GADL1: variants seen among roughly 807,000 people sequenced by gnomAD.
GADL1 encodes the protein acidic amino acid decarboxylase GADL1.
A neutral mutation model predicts 69.5 loss-of-function variants in GADL1; 71 were observed. That is an observed-to-expected ratio of 1.02 (90% CI 0.84 to 1.25). The LOEUF (loss-of-function observed/expected upper bound fraction) is 1.25, where lower values mean the gene tolerates loss of function less well. Among genes scored for constraint, GADL1 ranks in the 50% most tolerant of loss-of-function variants. The pLI is 0.00. For missense variants in GADL1, 737 were observed against 631.8 expected (o/e 1.17, Z -1.79); for synonymous variants, 254 against 214.4 (o/e 1.18, Z -1.62).
chr3:30,832,339 TAA>T (rs72276746), intron 11 of GADL1, among the ~76,000 whole-genome samples: 9 of 139,320 alleles, frequency 6.5e-5, no homozygotes, highest in South Asian at 4.5e-4. Flanking sequence ...ATGAATTCTT[TAA>T]AAAAAAAAAA....
At chr3:30,761,761 C>T (rs946848725) in intron 14 of GADL1, among the ~76,000 whole-genome samples, 1 of 152,090 alleles carries the variant, frequency 6.6e-6, no homozygotes, top group African/African-American at 2.4e-5. Context: ...AAATCTGGAA[C>T]ACTTTTTCTA....
intron 14 of GADL1, among the ~76,000 whole-genome samples, chr3:30,748,951 A>T (rs1384204017): frequency 1.3e-5 from 2 of 152,162 alleles, no homozygotes; most frequent in Non-Finnish European, 2.9e-5. Flanking sequence ...CTGCCTCTAA[A>T]CTTCCCACAG....
chr3:30,862,354 G>T (rs1698332995), intron 1 of GADL1, among the ~76,000 whole-genome samples: 2 of 151,996 alleles, frequency 1.3e-5, no homozygotes, highest in Non-Finnish European at 2.9e-5. Context: ...ATTTTATCTA[G>T]AATTAACACC....
chr3:30,818,177 A>G (rs1341177842), intron 11 of GADL1, among the ~76,000 whole-genome samples: 1 of 152,152 alleles, frequency 6.6e-6, no homozygotes, highest in Non-Finnish European at 1.5e-5. Flanking sequence ...GAGGCTAAGA[A>G]GACTAGAAAT....
intron 2 of GADL1, 110 bp downstream of exon 2, chr3:30,861,483 T>C (rs1206988358): frequency 4.2e-6 from 3 of 719,940 alleles, no homozygotes; most frequent in Non-Finnish European, 6.9e-6. Context: ...GACAAAGGCA[T>C]AGAAGAAATA....
chr3:30,812,852 A>G (rs1697387622), intron 11 of GADL1, among the ~76,000 whole-genome samples: 1 of 152,052 alleles, frequency 6.6e-6, no homozygotes, highest in Non-Finnish European at 1.5e-5. Context: ...ACAATATGGT[A>G]GGATTGGGAG....
At chr3:30,776,923 T>TA (rs1696554291) in intron 14 of GADL1, among the ~76,000 whole-genome samples, 1 of 152,216 alleles carries the variant, frequency 6.6e-6, no homozygotes, top group Admixed American at 6.5e-5. Context: ...TCTGCTTCTT[T>TA]AAAATTGTCC....
At chr3:30,737,670 T>C (rs187104490) in intron 14 of GADL1, among the ~76,000 whole-genome samples, 13 of 152,290 alleles carry the variant, frequency 8.5e-5, no homozygotes, top group African/African-American at 2.6e-4. Context: ...CTATAGCCCA[T>C]GAAATCATGT....
intron 14 of GADL1, among the ~76,000 whole-genome samples, chr3:30,766,151 A>G (rs1013047962): frequency 6.6e-6 from 1 of 152,232 alleles, no homozygotes; most frequent in Non-Finnish European, 1.5e-5. Flanking sequence ...CAGAGGAAGA[A>G]ACAAGTATAT....
chr3:30,845,017 G>C (rs1267786535), intron 6 of GADL1, among the ~76,000 whole-genome samples: 1 of 152,182 alleles, frequency 6.6e-6, no homozygotes, highest in Non-Finnish European at 1.5e-5. Context: ...TCACAGGCTA[G>C]AGAGGAATCT....
At chr3:30,889,084 T>TATAAAA (rs1698748582) in intron 1 of GADL1, among the ~76,000 whole-genome samples, 3 of 32,916 alleles carry the variant, frequency 9.1e-5, no homozygotes, top group Non-Finnish European at 2.0e-4. Flanking sequence ...CGGTAATCTA[T>TATAAAA]AAAAAAAAAA....
intron 12 of GADL1, among the ~76,000 whole-genome samples, chr3:30,796,143 C>A (rs1488004877): frequency 6.6e-6 from 1 of 152,100 alleles, no homozygotes; most frequent in African/African-American, 2.4e-5. Context: ...ATATCTATAA[C>A]CTTATTTCAA....
At chr3:30,870,248 T>C (rs995288299) in intron 1 of GADL1, among the ~76,000 whole-genome samples, 4 of 151,844 alleles carry the variant, frequency 2.6e-5, no homozygotes, top group East Asian at 1.9e-4. Flanking sequence ...AAGGAGCTAT[T>C]GTAGATATAA....
chr3:30,824,949 TTAAAG>T (rs1472171006), intron 11 of GADL1, among the ~76,000 whole-genome samples: 1 of 151,908 alleles, frequency 6.6e-6, no homozygotes, highest in African/African-American at 2.4e-5. Context: ...AATTTTAATT[TTAAAG>T]TAAAGCAAAC....
At chr3:30,755,239 T>C (rs1695939687) in intron 14 of GADL1, among the ~76,000 whole-genome samples, 1 of 152,188 alleles carries the variant, frequency 6.6e-6, no homozygotes, top group Non-Finnish European at 1.5e-5. Flanking sequence ...AGATAATTAC[T>C]GACTAAAATA....
At chr3:30,758,253 ATTC>A (rs1364246961) in intron 14 of GADL1, among the ~76,000 whole-genome samples, 3 of 152,192 alleles carry the variant, frequency 2.0e-5, no homozygotes, top group African/African-American at 2.4e-5. Flanking sequence ...CCAAGTATGT[ATTC>A]TTAGTGAACA....
chr3:30,732,005 C>CT (rs1242762694), intron 14 of GADL1, among the ~76,000 whole-genome samples: 1 of 152,136 alleles, frequency 6.6e-6, no homozygotes, highest in Non-Finnish European at 1.5e-5. Flanking sequence ...CAAATTAAAG[C>CT]TTATTTGAAA....
In GADL1 at chr3:30,742,969, A is replaced by C. The variant is rs141508431; in HGVS notation, c.1393-14554T>G. On this transcript the variant is annotated intron_variant, in intron 14 of 14. Coordinates refer to ENST00000282538, the MANE Select transcript of GADL1 (RefSeq NM_207359.3). ...CTTTAGAAATAATGACATTCTGCTGAATGGAGCAATAAAAACAGAACCTGC... is the reference window on the plus strand; with the variant it reads ...CTTTAGAAATAATGACATTCTGCTGCATGGAGCAATAAAAACAGAACCTGC... Among the ~76,000 whole-genome samples the C allele has an allele frequency of 2.7e-4, 41 of 152,114 alleles. 1 individual carries two copies. The highest frequency in any genetic ancestry group is 9.2e-4 in the African/African-American group (38 of 41,476).
intron 12 of GADL1, among the ~76,000 whole-genome samples, chr3:30,791,180 TTAA>T (rs1456756639): frequency 6.6e-6 from 1 of 152,134 alleles, no homozygotes; most frequent in Non-Finnish European, 1.5e-5. Flanking sequence ...GAAAAAGAAC[TTAA>T]AAATACAAAA....
Sources: gnomAD v4.1 joint callset for allele counts (sites outside exome capture counted in the v4.1 genomes callset) on GRCh38, gnomAD v4.1.1 for gene constraint, MANE v1.5 for transcripts, NCBI Gene and HGNC (gene_info 2026-07-23, HGNC 2026-07-21) for gene names.